The following PPP1R1C variants were observed in gnomAD, a reference collection of about 807,000 sequenced individuals.
PPP1R1C encodes protein phosphatase 1 regulatory inhibitor subunit 1C.
PPP1R1C carries 15 observed loss-of-function variants against 17.4 expected under a neutral mutation model. The ratio of observed to expected loss-of-function variants is 0.86; its 90% CI spans 0.58 to 1.33. The LOEUF is 1.33. Among genes scored for constraint, PPP1R1C ranks in the 40% most tolerant of loss-of-function variants. The pLI, the probability that PPP1R1C is intolerant of heterozygous loss-of-function variation, is 0.00. For synonymous variants in PPP1R1C, 35 were observed against 43.1 expected (o/e 0.81, Z 0.73); for missense variants, 143 against 130.0 (o/e 1.10, Z -0.48).
At chr2:182,124,327 G>GTTTTTTTTTTTGTTTTTTTTTTTTT (rs1689817589) in intron 5 of PPP1R1C, among the ~76,000 whole-genome samples, 7 of 83,004 alleles carry the variant, frequency 8.4e-5, no homozygotes, top group South Asian at 3.8e-4. Context: ...TTTTTTTTTT[G>GTTTTTTTTTTTGTTTTTTTTTTTTT]TTTTTTTTTT....
intron 4 of PPP1R1C, among the ~76,000 whole-genome samples, chr2:182,083,703 G>A (rs1190616911): frequency 6.6e-6 from 1 of 152,052 alleles, no homozygotes. Flanking sequence ...TTGTAATTGT[G>A]AATTTTGTGC....
chr2:182,090,739 T>C (rs1056120378), intron 4 of PPP1R1C, among the ~76,000 whole-genome samples: 1 of 152,184 alleles, frequency 6.6e-6, no homozygotes, highest in Non-Finnish European at 1.5e-5. Context: ...TGTTTTCAGA[T>C]GATAACTAGT....
intron 4 of PPP1R1C, among the ~76,000 whole-genome samples, chr2:182,110,260 AT>A (rs1244928692): frequency 2.0e-5 from 3 of 150,788 alleles, no homozygotes; most frequent in Admixed American, 6.6e-5. Flanking sequence ...GAAAAATAAA[AT>A]TTAATAAGGT....
intron 2 of PPP1R1C, among the ~76,000 whole-genome samples, chr2:182,010,319 C>T (rs1686053278): frequency 6.6e-6 from 1 of 151,826 alleles, no homozygotes. Context: ...TTACAGTTTT[C>T]ATTGTAGAAA....
chr2:181,956,650 T>A (rs1684674931), intron 1 of PPP1R1C, among the ~76,000 whole-genome samples: 1 of 152,246 alleles, frequency 6.6e-6, no homozygotes, highest in Non-Finnish European at 1.5e-5. Flanking sequence ...TGACCAGTGA[T>A]CATGAGCATT....
Position 181,962,311 on chromosome 2 carries a change from A to T in PPP1R1C, n.111+7677A>T. 1 of 840,302 alleles carries T rather than the reference A, an allele frequency of 1.2e-6. No individual in the cohort carries two copies. The highest frequency in any genetic ancestry group is 2.0e-6 in the Non-Finnish European group (1 of 511,986). 52.1% of individuals were successfully genotyped at this position (840,302 alleles called of 1,614,324 possible). On this transcript the variant is annotated intron_variant and non_coding_transcript_variant, in intron 1 of 5. Transcript: ENST00000464264. The surrounding 1 kb of genome is among the most constrained non-coding windows in gnomAD (Gnocchi z 6.0). Reference sequence around the variant, plus strand: ...CGGCCAGGTCCCCGGACCCCATGCCACCCCGGAAGCTGGTGGAGCGGGACA... The same window carrying T: ...CGGCCAGGTCCCCGGACCCCATGCCTCCCCGGAAGCTGGTGGAGCGGGACA...
At chr2:182,112,320 C>T (rs1054101218) in intron 4 of PPP1R1C, among the ~76,000 whole-genome samples, 8 of 152,032 alleles carry the variant, frequency 5.3e-5, no homozygotes, top group Non-Finnish European at 1.0e-4. Flanking sequence ...TGGTTTTATC[C>T]TAGGAGTGTT....
At chr2:182,028,018 T>C in intron 2 of PPP1R1C, among the ~76,000 whole-genome samples, 1 of 128,140 alleles carries the variant, frequency 7.8e-6, no homozygotes, top group Admixed American at 8.3e-5. Context: ...TGTAGTATTC[T>C]CTGATGGTAG....
rs143456594 is a variant in PPP1R1C, at chr2:182,043,329, A to G, written c.143-18113A>G. 1.1e-4 allele frequency among the ~76,000 whole-genome samples: 17 copies of G among 152,312 alleles called. 1 individual carries two copies. The East Asian group carries it at 3.3e-3, about 29-fold the overall frequency. ...CTCAACTTCCTGCCAAGCCTCCTCA[A>G]AAGGTCTGAAATATGGTTATTATAT... On this transcript the variant is annotated intron_variant, in intron 2 of 4. Transcript: ENST00000682840.
At chr2:181,975,071 C>T (rs111695734) in intron 1 of PPP1R1C, 1 of 151,932 alleles carries the variant, frequency 6.6e-6, no homozygotes, top group African/African-American at 2.4e-5. Context: ...TTAAGGGACT[C>T]TTAAAACCCT....
intron 4 of PPP1R1C, among the ~76,000 whole-genome samples, chr2:182,110,846 A>G (rs1351929423): frequency 1.3e-5 from 2 of 152,120 alleles, no homozygotes; most frequent in Admixed American, 1.3e-4. Flanking sequence ...AACATTGTTT[A>G]GCTCCATTAT....
At chr2:182,102,381 C>G (rs1439588873) in intron 4 of PPP1R1C, among the ~76,000 whole-genome samples, 1 of 152,118 alleles carries the variant, frequency 6.6e-6, no homozygotes, top group Non-Finnish European at 1.5e-5. Flanking sequence ...GTTAGAGTAT[C>G]AAATCAGAAA....
chr2:181,978,165 C>T lies in PPP1R1C; in HGVS notation n.157+2901C>T, dbSNP rs146062312. Among the ~76,000 whole-genome samples the T allele has an allele frequency of 4.0e-3, 610 of 152,284 alleles. 4 individuals are homozygous for T. Among genetic ancestry groups the T allele is most frequent in the African/African-American group, 0.014 (585 of 41,562 alleles). On this transcript the variant is annotated intron_variant and non_coding_transcript_variant, in intron 2 of 5. Transcript: ENST00000464264. Reference sequence around the variant, plus strand: ...AGATCTTATGAGACTTATTCACTACCACAAGAAAAGTATGGCAAAACCACT... The same window carrying T: ...AGATCTTATGAGACTTATTCACTACTACAAGAAAAGTATGGCAAAACCACT...
intron 2 of PPP1R1C, among the ~76,000 whole-genome samples, chr2:182,032,163 A>C (rs934280082): frequency 6.6e-6 from 1 of 152,232 alleles, no homozygotes; most frequent in Non-Finnish European, 1.5e-5. Context: ...TTCATAGTTC[A>C]GCCAAAAGTC....
chr2:181,998,279 G>A (rs540177858), intron 2 of PPP1R1C, among the ~76,000 whole-genome samples: 73 of 152,260 alleles, frequency 4.8e-4, no homozygotes, highest in African/African-American at 1.2e-3. Context: ...TGCTAGGCTC[G>A]GTCTTTGCCC....
At chr2:182,002,050 A>G (rs1161756431) in intron 2 of PPP1R1C, among the ~76,000 whole-genome samples, 21 of 152,154 alleles carry the variant, frequency 1.4e-4, no homozygotes, top group Non-Finnish European at 1.5e-5. Flanking sequence ...TAACATGCGT[A>G]TCATTGTGGA....
Position 181,987,913 on chromosome 2 carries a change from A to T in PPP1R1C, c.142+14A>T, listed in dbSNP as rs1685351794. 6.2e-7 allele frequency: 1 copy of T among 1,603,010 alleles called. No homozygotes were observed. Among genetic ancestry groups the T allele is most frequent in the African/African-American group, 1.3e-5 (1 of 74,622 alleles). On this transcript the variant is annotated intron_variant, in intron 2 of 4. Coordinates refer to ENST00000682840, the MANE Select transcript of PPP1R1C (RefSeq NM_001080545.3). Reference sequence around the variant, plus strand: ...ATAACCCCCCAGGTAAAGAAGCATGATGTGTTTCACACTGATGGAACAGAA... The same window carrying T: ...ATAACCCCCCAGGTAAAGAAGCATGTTGTGTTTCACACTGATGGAACAGAA...
Position 182,072,118 on chromosome 2 carries a change from G to A in PPP1R1C, c.241+8327G>A, listed in dbSNP as rs1333464510. ...GTACACCACGTCCATTAATGTAGGC[G>A]CTATCAGTATGCTAAGGTGTACACA... is the stretch of plus-strand genomic sequence containing the variant. On this transcript the variant is annotated intron_variant, in intron 4 of 4. Transcript: ENST00000682840. Among the ~76,000 whole-genome samples the A allele has an allele frequency of 3.3e-5, 5 of 152,132 alleles. No homozygotes were observed. In the South Asian group the frequency reaches 8.3e-4, roughly 25 times the overall value.
chr2:182,098,701 T>C (rs901227301), intron 4 of PPP1R1C, among the ~76,000 whole-genome samples: 30 of 152,198 alleles, frequency 2.0e-4, no homozygotes, highest in African/African-American at 7.2e-4. Context: ...AGTTCAGATA[T>C]TGGATTTCCT....
Sources: allele counts gnomAD v4.1 joint callset (sites outside exome capture counted in the v4.1 genomes callset), GRCh38; gene constraint gnomAD v4.1.1; non-coding constraint Gnocchi (gnomAD v3.1); transcripts MANE v1.5; gene names NCBI Gene and HGNC (gene_info 2026-07-23, HGNC 2026-07-21).